The following OPCML variants were observed in gnomAD, a reference collection of about 807,000 sequenced individuals.
The protein encoded by OPCML is opioid binding protein/cell adhesion molecule like.
In OPCML, 13 loss-of-function variants were observed where a neutral mutation model predicts 37.8. That is an observed-to-expected ratio of 0.34 (90% CI 0.22 to 0.55). OPCML has a LOEUF of 0.55. OPCML is among the 20% of genes least tolerant of loss of function. The pLI is 0.91. For missense variants in OPCML, 341 were observed against 435.6 expected, an observed-to-expected ratio of 0.78 and a Z score of 1.93; for synonymous variants, 176 against 168.8, an observed-to-expected ratio of 1.04 and a Z score of -0.33.
At chr11:133,529,980 G>T (rs1948570924) in intron 1 of OPCML, among the ~76,000 whole-genome samples, 1 of 152,086 alleles carries the variant, frequency 6.6e-6, no homozygotes, top group South Asian at 2.1e-4. Flanking sequence ...TTCTTACCGG[G>T]CTCCTGACAC....
At chr11:132,486,559 C>G (rs975186464) in intron 4 of OPCML, among the ~76,000 whole-genome samples, 1 of 152,074 alleles carries the variant, frequency 6.6e-6, no homozygotes, top group African/African-American at 2.4e-5. Context: ...CAAACCCCAC[C>G]AAAATCCTGC....
At chr11:133,006,807 C>T in intron 1 of OPCML, 1 of 985,436 alleles carries the variant, frequency 1.0e-6, no homozygotes, top group African/African-American at 1.7e-5. Flanking sequence ...TCCACTCTAG[C>T]AGGAGCAGTG....
intron 2 of OPCML, among the ~76,000 whole-genome samples, chr11:132,791,976 C>T (rs1937946179): frequency 6.6e-6 from 1 of 152,174 alleles, no homozygotes; most frequent in African/African-American, 2.4e-5. Context: ...AATAAAGGAA[C>T]AAATGAGAGA....
At chr11:133,307,849 GTT>G (rs765416360) in intron 1 of OPCML, among the ~76,000 whole-genome samples, 3 of 145,904 alleles carry the variant, frequency 2.1e-5, no homozygotes, top group East Asian at 2.0e-4. Context: ...TTGTTTCCAA[GTT>G]TTTTTTTTTT....
chr11:132,516,972 G>A (rs943285130), intron 4 of OPCML, among the ~76,000 whole-genome samples: 3 of 151,918 alleles, frequency 2.0e-5, no homozygotes, highest in Admixed American at 6.6e-5. Context: ...GGAGACAGTG[G>A]GCTTGAAAAG....
intron 1 of OPCML, among the ~76,000 whole-genome samples, chr11:133,358,666 C>T (rs1255730257): frequency 4.6e-5 from 7 of 152,072 alleles, no homozygotes; most frequent in Admixed American, 4.6e-4. Context: ...GAGAGAGGTA[C>T]AAATTGGGCA....
rs1297561591 is a variant in OPCML, at chr11:133,422,690, G to A, written c.61+109574C>T. 4 of 984,188 alleles carry A rather than the reference G, an allele frequency of 4.1e-6. No homozygotes were observed. The East Asian group carries it at 3.4e-4, about 84-fold the overall frequency. The allele number at this position is 984,188 out of a possible 1,614,324, so 61.0% of individuals were successfully genotyped here. A position where few individuals can be genotyped will look rare whatever the true frequency, so the allele number is the denominator to read the frequency against. Reference sequence around the variant, plus strand: ...CCTTTTAATAATTATTATGTCATGAGGAAATATATGCAAACACTCTCAAAC... The same window carrying A: ...CCTTTTAATAATTATTATGTCATGAAGAAATATATGCAAACACTCTCAAAC... On this transcript the variant is annotated intron_variant, in intron 1 of 7. Coordinates refer to ENST00000524381, the MANE Select transcript of OPCML (RefSeq NM_001012393.5).
intron 4 of OPCML, among the ~76,000 whole-genome samples, chr11:132,524,673 T>A (rs997334581): frequency 6.6e-6 from 1 of 152,184 alleles, no homozygotes; most frequent in Non-Finnish European, 1.5e-5. Context: ...AAGTGAGGCA[T>A]GTGTCCTCAG....
chr11:132,444,701 C>G (rs1437455250), intron 4 of OPCML, among the ~76,000 whole-genome samples: 1 of 152,128 alleles, frequency 6.6e-6, no homozygotes, highest in East Asian at 1.9e-4. Flanking sequence ...CTGCCAGGCT[C>G]TGCCCCACAT....
Position 132,971,787 on chromosome 11 carries a change from TC to T in OPCML, c.62-28778del, listed in dbSNP as rs1946348627. Among the ~76,000 whole-genome samples, 8 of 152,190 alleles carry T rather than the reference TC, an allele frequency of 5.3e-5. No individual in the cohort carries two copies. The South Asian group carries it at 1.7e-3, about 32-fold the overall frequency. On this transcript the variant is annotated intron_variant, in intron 1 of 7. Coordinates refer to ENST00000524381, the MANE Select transcript of OPCML (RefSeq NM_001012393.5). ...TTCTTTACTCTCTTTCCCTCCCGCC[TC>T]CAAACCACACCAATACTGGCTTTAT...
intron 1 of OPCML, among the ~76,000 whole-genome samples, chr11:133,327,894 G>A (rs563591785): frequency 5.9e-5 from 9 of 152,240 alleles, no homozygotes; most frequent in South Asian, 4.1e-4. Context: ...CAAGGTGCTC[G>A]CACTGTAAAT....
In OPCML at chr11:133,020,940, A is replaced by C. The variant is rs116685125; in HGVS notation, c.62-77930T>G. ...TTTTTCTCCTTCCCACTTGGCATAC[A>C]TAGACTCTCAGAGACTTTTAACTGA... is the stretch of plus-strand genomic sequence containing the variant. On this transcript the variant is annotated intron_variant, in intron 1 of 7. Transcript: ENST00000524381. Among the ~76,000 whole-genome samples, 1,449 of 152,278 alleles carry C rather than the reference A, an allele frequency of 9.5e-3. 17 individuals carry two copies. The highest frequency in any genetic ancestry group is 0.031 in the African/African-American group (1,286 of 41,550).
intron 1 of OPCML, among the ~76,000 whole-genome samples, chr11:133,140,567 G>A (rs1355420778): frequency 4.4e-4 from 62 of 141,146 alleles, no homozygotes; most frequent in African/African-American, 1.5e-3. Context: ...AGAAGAAGAA[G>A]AAGAAGAAGA....
chr11:133,257,495 G>A (rs1049763786), intron 1 of OPCML, among the ~76,000 whole-genome samples: 6 of 152,204 alleles, frequency 3.9e-5, no homozygotes, highest in African/African-American at 1.4e-4. Flanking sequence ...TTGTGTGGCT[G>A]CTTCATCCAT....
chr11:132,420,779 G>T (rs1482616111), intron 7 of OPCML, among the ~76,000 whole-genome samples: 1 of 152,144 alleles, frequency 6.6e-6, no homozygotes, highest in Non-Finnish European at 1.5e-5. Context: ...CAACCTCAAT[G>T]CATGCAACCT....
intron 1 of OPCML, among the ~76,000 whole-genome samples, chr11:133,346,756 T>C (rs1032224465): frequency 3.3e-5 from 5 of 152,236 alleles, no homozygotes; most frequent in Non-Finnish European, 5.9e-5. Flanking sequence ...GTTTGATTAA[T>C]TAATTTAACC....
At chr11:133,329,727 T>TA (rs1291469976) in intron 1 of OPCML, among the ~76,000 whole-genome samples, 1 of 152,124 alleles carries the variant, frequency 6.6e-6, no homozygotes, top group Non-Finnish European at 1.5e-5. Context: ...CCTAAAACCA[T>TA]AAAAAACCTA....
intron 3 of OPCML, among the ~76,000 whole-genome samples, chr11:132,551,746 G>A (rs1182063441): frequency 1.3e-5 from 2 of 152,054 alleles, no homozygotes; most frequent in Admixed American, 6.6e-5. Flanking sequence ...CAACTCACTG[G>A]CCTTCTCCCA....
intron 2 of OPCML, among the ~76,000 whole-genome samples, chr11:132,788,000 C>G (rs143034390): frequency 0.037 from 5,625 of 152,226 alleles, 282 homozygotes; most frequent in African/African-American, 0.11. Flanking sequence ...TCTGCCTCAG[C>G]CTCCCGAGTA....
Sources: gnomAD v4.1 joint callset for allele counts (sites outside exome capture counted in the v4.1 genomes callset) on GRCh38, gnomAD v4.1.1 for gene constraint, MANE v1.5 for transcripts, NCBI Gene and HGNC (gene_info 2026-07-23, HGNC 2026-07-21) for gene names.